The following SH2D4B variants were observed in gnomAD, a reference collection of about 807,000 sequenced individuals.
The protein encoded by SH2D4B is SH2 domain-containing protein 4B.
SH2D4B carries 45 observed loss-of-function variants against 61.5 expected under a neutral mutation model. That is an observed-to-expected ratio of 0.73 (90% CI 0.58 to 0.94). The LOEUF is 0.94. SH2D4B is among the 40% of genes least tolerant of loss of function. The pLI is 0.00. For missense variants in SH2D4B, 572 were observed against 574.2 expected (o/e 1.00, Z 0.04); for synonymous variants, 224 against 220.4 (o/e 1.02, Z -0.14).
intron 3 of SH2D4B, among the ~76,000 whole-genome samples, chr10:80,582,292 T>A (rs1842192258): frequency 6.6e-6 from 1 of 152,200 alleles, no homozygotes; most frequent in Non-Finnish European, 1.5e-5. Context: ...TTCTGAATGG[T>A]GGGACCTGCA....
chr10:80,543,701 C>T (rs1841619793), intron 1 of SH2D4B, among the ~76,000 whole-genome samples: 1 of 152,208 alleles, frequency 6.6e-6, no homozygotes, highest in Non-Finnish European at 1.5e-5. Context: ...TCATGGAGAA[C>T]CTTTATGTCT....
chr10:80,544,211 C>T (rs1396889600), intron 1 of SH2D4B, among the ~76,000 whole-genome samples: 2 of 152,142 alleles, frequency 1.3e-5, no homozygotes, highest in African/African-American at 2.4e-5. Flanking sequence ...CGCGAGCCCA[C>T]GGGGAAGAAT....
intron 3 of SH2D4B, among the ~76,000 whole-genome samples, chr10:80,580,272 G>A (rs1842173228): frequency 6.6e-6 from 1 of 152,186 alleles, no homozygotes; most frequent in South Asian, 2.1e-4. Context: ...GCACTTTGAG[G>A]CAGGGAAGAA....
intron 6 of SH2D4B, among the ~76,000 whole-genome samples, chr10:80,618,303 C>G (rs1463312899): frequency 6.6e-6 from 1 of 152,182 alleles, no homozygotes; most frequent in South Asian, 2.1e-4. Context: ...AGTCATTTTA[C>G]TGGGTGATAC....
At chr10:80,622,908 T>G (rs1237991763) in intron 6 of SH2D4B, among the ~76,000 whole-genome samples, 1 of 152,100 alleles carries the variant, frequency 6.6e-6, no homozygotes, top group Non-Finnish European at 1.5e-5. Context: ...CTGGATAATT[T>G]TGTTTGTTTT....
intron 1 of SH2D4B, among the ~76,000 whole-genome samples, chr10:80,565,077 C>G (rs1369469480): frequency 6.6e-6 from 1 of 152,174 alleles, no homozygotes; most frequent in Non-Finnish European, 1.5e-5. Flanking sequence ...GAACACTCAG[C>G]AGTCTATGAG....
At chr10:80,571,827 C>A (rs1268651213) in intron 3 of SH2D4B, among the ~76,000 whole-genome samples, 1 of 144,464 alleles carries the variant, frequency 6.9e-6, no homozygotes, top group Non-Finnish European at 1.5e-5. Flanking sequence ...GGCTGGAGTG[C>A]AGTGGCGCAG....
intron 4 of SH2D4B, among the ~76,000 whole-genome samples, chr10:80,589,062 G>A (rs980564929): frequency 6.6e-6 from 1 of 151,370 alleles, no homozygotes; most frequent in Non-Finnish European, 1.5e-5. Context: ...GGAGTGCAAT[G>A]GTGCGATCTC....
chr10:80,591,326 C>G (rs988589682), intron 4 of SH2D4B, among the ~76,000 whole-genome samples: 1 of 151,874 alleles, frequency 6.6e-6, no homozygotes, highest in African/African-American at 2.4e-5. Context: ...AACTGAATAT[C>G]TGAGACTGAG....
At chr10:80,582,831 C>A (rs79470528) in intron 3 of SH2D4B, among the ~76,000 whole-genome samples, 1 of 152,106 alleles carries the variant, frequency 6.6e-6, no homozygotes, top group South Asian at 2.1e-4. Context: ...CTGCTTGCAG[C>A]CTGCTCCCCT....
chr10:80,599,143 G>A (rs1323373105), intron 4 of SH2D4B, among the ~76,000 whole-genome samples: 5 of 152,122 alleles, frequency 3.3e-5, no homozygotes, highest in Non-Finnish European at 7.4e-5. Context: ...AAAGGAGTGC[G>A]CACCAGAGTC....
At position 80,634,518 on chromosome 10, in the gene SH2D4B, G is replaced by A. The variant is rs1015509561; in HGVS notation, c.1209+13G>A. ...TGATTTCCATAAGGTATCCCTCACA[G>A]GGATACTAATGGGGGGGAGGGGGAA... On this transcript the variant is annotated intron_variant, in intron 7 of 7. Transcript: ENST00000646907. 76 of 1,547,934 alleles carry A rather than the reference G, an allele frequency of 4.9e-5. No individual in the cohort carries two copies. Among genetic ancestry groups the A allele is most frequent in the Non-Finnish European group, 6.6e-5 (76 of 1,146,156 alleles).
intron 6 of SH2D4B, among the ~76,000 whole-genome samples, chr10:80,621,606 C>T (rs1842717754): frequency 6.6e-6 from 1 of 152,206 alleles, no homozygotes; most frequent in African/African-American, 2.4e-5. Context: ...TTGCCTTCGT[C>T]AAATGTCGTC....
chr10:80,603,539 G>T, intron 4 of SH2D4B, 40 bp from the exon 5 acceptor site: 1 of 1,483,148 alleles, frequency 6.7e-7, no homozygotes. Flanking sequence ...CACCGCCTGG[G>T]CTGCGGATCT....
chr10:80,604,539 G>A (rs1842493354), intron 5 of SH2D4B, among the ~76,000 whole-genome samples: 1 of 152,136 alleles, frequency 6.6e-6, no homozygotes. Context: ...TTAACCTCAG[G>A]TAATCTGCAG....
intron 1 of SH2D4B, among the ~76,000 whole-genome samples, chr10:80,546,151 C>T (rs953813199): frequency 1.3e-5 from 2 of 151,336 alleles, no homozygotes; most frequent in African/African-American, 4.9e-5. Flanking sequence ...TTCAAGTGAT[C>T]CTCGCACCTC....
intron 1 of SH2D4B, among the ~76,000 whole-genome samples, chr10:80,554,565 C>T (rs1012647657): frequency 6.6e-6 from 1 of 152,120 alleles, no homozygotes; most frequent in African/African-American, 2.4e-5. Context: ...ACTCAAGCAG[C>T]ATTTCTATGT....
intron 1 of SH2D4B, among the ~76,000 whole-genome samples, chr10:80,560,980 C>A (rs1463708212): frequency 1.3e-5 from 2 of 152,120 alleles, no homozygotes; most frequent in Non-Finnish European, 2.9e-5. Flanking sequence ...ATGATGGTTT[C>A]ATTCCTTGGT....
chr10:80,577,121 C>G (rs1243960995), intron 3 of SH2D4B, among the ~76,000 whole-genome samples: 1 of 152,326 alleles, frequency 6.6e-6, no homozygotes, highest in East Asian at 1.9e-4. Flanking sequence ...ACTTTTCCCT[C>G]TCTTGCGATG....
Sources: gnomAD v4.1 joint callset for allele counts (sites outside exome capture counted in the v4.1 genomes callset) on GRCh38, gnomAD v4.1.1 for gene constraint, MANE v1.5 for transcripts, NCBI Gene and HGNC (gene_info 2026-07-23, HGNC 2026-07-21) for gene names.